Variants in CD177 observed in about 807,000 individuals in gnomAD.
CD177 encodes the protein CD177 molecule, also known as CD177 antigen.
A neutral mutation model predicts 38.1 loss-of-function variants in CD177; 41 were observed. The observed-to-expected ratio is 1.07, with a 90% CI of 0.84 to 1.39. The LOEUF is 1.39. CD177 is among the 40% of genes most tolerant of loss of function. The probability of loss-of-function intolerance (pLI) is 0.00; values close to 1 mark genes in which losing one functional copy is unlikely to be tolerated. For synonymous variants in CD177, 236 were observed against 216.7 expected (o/e 1.09, Z -0.78); for missense variants, 619 against 523.8 (o/e 1.18, Z -1.77).
Position 43,354,077 on chromosome 19 carries a change from C to CGG in CD177, c.193+88_193+89dup, listed in dbSNP as rs1262856889. 53 of 1,572,608 alleles carry CGG rather than the reference C, an allele frequency of 3.4e-5. 1 individual carries two copies. The highest frequency in any genetic ancestry group is 4.2e-5 in the Non-Finnish European group (49 of 1,158,548). ...TGCAGGGACCCGGGAGCCACCCCTC[C>CGG]GGGGGATCGACTCCTAGGGTCCCGG... On this transcript the variant is annotated intron_variant, in intron 2 of 8. Coordinates refer to ENST00000618265, the MANE Select transcript of CD177 (RefSeq NM_020406.4).
In CD177 at chr19:43,361,485, G is replaced by A. The variant is rs1480727434; in HGVS notation, c.987G>A (p.Val329=). Residue 329 remains valine, a synonymous_variant, in exon 8 of 9, where the codon GTG becomes GTA. Transcript: ENST00000618265. ...VPGDRQCPTC[V]QPLGTCSSGS... is the part of the protein sequence containing the mutation. ...GAGACCGGCAGTGTCCTACCTGTGT[G>A]CAGCCCCTTGGAACCTGTTCAAGTG... 4.4e-6 allele frequency: 7 copies of A among 1,588,980 alleles called. No homozygotes were observed. The highest frequency in any genetic ancestry group is 6.0e-6 in the Non-Finnish European group (7 of 1,160,468).
chr19:43,362,365 T>C lies in CD177; in HGVS notation c.*45T>C. The C allele has an allele frequency of 1.2e-6, 1 of 839,544 alleles. No homozygotes were observed. The allele number at this position is 839,544 out of a possible 1,614,324, so 52.0% of individuals were successfully genotyped here. ...CTTCACCGCTGCTGACCACCCACAC[T>C]CAACCTCCCTCTGACCTCATAACCT... On this transcript the variant is annotated 3_prime_UTR_variant, in exon 9 of 9. Transcript: ENST00000618265.
At chr19:43,353,816 G>A (rs2122237105) in intron 1 of CD177, 37 bp from the exon 2 acceptor site, 1 of 1,613,724 alleles carries the variant, frequency 6.2e-7, no homozygotes, top group Non-Finnish European at 8.5e-7. Flanking sequence ...CCGGGCAAGG[G>A]AACCCTGCTG....
rs765515656 is a variant in CD177 at position 43,360,312 on chromosome 19, T to C, written c.667T>C (p.Leu223=). ...GACCACCATTATGACACACGGAAAC[T>C]TGGCTCAAGAACCCACTGATTGGAC... The part of the protein sequence containing the change: ...RGTTIMTHGN[L]AQEPTDWTTS... Residue 223 remains leucine, a synonymous_variant, in exon 6 of 9, where the codon TTG becomes CTG. Transcript: ENST00000618265. The C allele has an allele frequency of 6.2e-7, 1 of 1,613,158 alleles. No individual in the cohort carries two copies. Among genetic ancestry groups the C allele is most frequent in the South Asian group, 1.1e-5 (1 of 90,738 alleles).
chr19:43,362,303 G>A lies in CD177; in HGVS notation c.1297G>A (p.Val433Ile). ...ALAPALWWGVVCPSC is the reference protein window; with the variant it reads ...ALAPALWWGVICPSC ...GGCCCCAGCGCTGTGGTGGGGAGTG[G>A]TTTGCCCTTCCTGCTAACTCTATTA... Residue 433 changes from valine to isoleucine, a missense_variant, in exon 9 of 9, where the codon GTT becomes ATT. Physicochemically the swap from Val to Ile is conservative, Grantham distance 29 (BLOSUM62 3). Coordinates refer to ENST00000618265, the MANE Select transcript of CD177 (RefSeq NM_020406.4). 6.5e-7 allele frequency: 1 copy of A among 1,542,596 alleles called. No homozygotes were observed. Among genetic ancestry groups the A allele is most frequent in the East Asian group, 2.3e-5 (1 of 44,228 alleles).
In CD177 at chr19:43,362,319, A is replaced by G. The variant is rs1330445056; in HGVS notation, c.1313A>G (p.Ter438=). The change falls in exon 9 of 9, where the codon TAA becomes TGA. Residue 438 remains the stop codon, a stop_retained_variant. Coordinates refer to ENST00000618265, the MANE Select transcript of CD177 (RefSeq NM_020406.4). ...TGGGGAGTGGTTTGCCCTTCCTGCT[A>G]ACTCTATTACCCCCACGATTCTTCA... ...LWWGVVCPSC[*] 30 of 1,434,530 alleles carry G rather than the reference A, an allele frequency of 2.1e-5. No homozygotes were observed. Among genetic ancestry groups the G allele is most frequent in the Non-Finnish European group, 2.9e-5 (30 of 1,031,288 alleles). The allele number at this position is 1,434,530 out of a possible 1,614,324, so 88.9% of individuals were successfully genotyped here.
In CD177 at chr19:43,354,332, G is replaced by A; in HGVS notation, c.319G>A (p.Glu107Lys). ...LISYTFVCRQ[E>K]DFCNNLVNSL... The stretch of plus-strand genomic sequence containing the variant: ...CTCCTACACCTTCGTGTGCCGCCAG[G>A]AGGACTTCTGCAACAACCTCGTTAA... The change falls in exon 3 of 9, where the codon GAG becomes AAG. Residue 107 changes from glutamate (E) to lysine (K), a missense_variant. By Grantham distance (56) the Glu-to-Lys change is moderately conservative. Transcript: ENST00000618265. 6.2e-7 allele frequency: 1 copy of A among 1,613,954 alleles called. No homozygotes were observed. The highest frequency in any genetic ancestry group is 8.5e-7 in the Non-Finnish European group (1 of 1,179,882).
downstream of CD177, among the ~76,000 whole-genome samples, chr19:43,363,755 T>G (rs1191825142): frequency 3.3e-5 from 5 of 152,038 alleles, no homozygotes; most frequent in East Asian, 9.6e-4. Flanking sequence ...TTCACTCCCT[T>G]GCCCCTCGGC....
In CD177 at chr19:43,354,410, G is replaced by C; in HGVS notation, c.379+18G>C. Reference sequence around the variant, plus strand: ...CCCAGCAGGTGCCTGCGGGAGGGTCGGGAGGAGAGGGAGGGGCTGCTAGAA... The same window carrying C: ...CCCAGCAGGTGCCTGCGGGAGGGTCCGGAGGAGAGGGAGGGGCTGCTAGAA... On this transcript the variant is annotated intron_variant, in intron 3 of 8. Transcript: ENST00000618265. The C allele has an allele frequency of 2.5e-6, 4 of 1,612,578 alleles. No individual in the cohort carries two copies. Among genetic ancestry groups the C allele is most frequent in the African/African-American group, 1.3e-5 (1 of 74,922 alleles).
In CD177 at chr19:43,360,266, T is replaced by G. The variant is rs752659702; in HGVS notation, c.621T>G (p.Asp207Glu). ...ACACCCTGGGATTCCTCTCCCCAGA[T>G]TTTCTGACCTGTCATCGGGGGACCA... ...VGMTENCDMK[D>E]FLTCHRGTTI... Residue 207 changes from aspartate (D) to glutamate (E), a missense_variant and splice_region_variant, in exon 6 of 9, where the codon GAT becomes GAG. Physicochemically the swap from Asp to Glu is conservative, Grantham distance 45. Coordinates refer to ENST00000618265, the MANE Select transcript of CD177 (RefSeq NM_020406.4). 6.2e-7 allele frequency: 1 copy of G among 1,612,914 alleles called. No individual in the cohort carries two copies. The highest frequency in any genetic ancestry group is 1.7e-5 in the Admixed American group (1 of 59,916).
In CD177 at chr19:43,354,316, C is replaced by G. The variant is rs770461969; in HGVS notation, c.303C>G (p.Thr101=). 20 of 1,613,968 alleles carry G rather than the reference C, an allele frequency of 1.2e-5. No homozygotes were observed. In the East Asian group the frequency reaches 4.5e-4, roughly 36 times the overall value. ...MGPGLSLISY[T]FVCRQEDFCN... is the part of the protein sequence containing the mutation. ...CCGGCCTCTCCCTGATCTCCTACAC[C>G]TTCGTGTGCCGCCAGGAGGACTTCT... The change falls in exon 3 of 9, where the codon ACC becomes ACG. Residue 101 remains threonine (T), a synonymous_variant. Transcript: ENST00000618265.
In CD177 at chr19:43,360,287, G is replaced by T. The variant is rs772455835; in HGVS notation, c.642G>T (p.Gly214=). 8.7e-6 allele frequency: 14 copies of T among 1,613,110 alleles called. No homozygotes were observed. The highest frequency in any genetic ancestry group is 1.3e-5 in the African/African-American group (1 of 74,844). ...DMKDFLTCHR[G]TTIMTHGNLA... is the part of the protein sequence containing the mutation. Reference sequence around the variant, plus strand: ...CAGATTTTCTGACCTGTCATCGGGGGACCACCATTATGACACACGGAAACT... The same window carrying T: ...CAGATTTTCTGACCTGTCATCGGGGTACCACCATTATGACACACGGAAACT... The change falls in exon 6 of 9, where the codon GGG becomes GGT. Residue 214 remains glycine, a synonymous_variant. Transcript: ENST00000618265.
rs1394481101 is a variant in CD177, at chr19:43,362,544, G to C, written c.*224G>C. On this transcript the variant is annotated 3_prime_UTR_variant, in exon 9 of 9. Coordinates refer to ENST00000618265, the MANE Select transcript of CD177 (RefSeq NM_020406.4). Reference sequence around the variant, plus strand: ...GAGAGGGGACGCTGGAGGAGTGGCTGCATGTATCTGATAATACAGACCCTG... The same window carrying C: ...GAGAGGGGACGCTGGAGGAGTGGCTCCATGTATCTGATAATACAGACCCTG... 5.3e-5 allele frequency: 24 copies of C among 452,394 alleles called. No homozygotes were observed. The highest frequency in any genetic ancestry group is 9.0e-5 in the Non-Finnish European group (23 of 254,956). The allele number at this position is 452,394 out of a possible 1,614,324, so 28.0% of individuals were successfully genotyped here.
chr19:43,361,656 G>C, intron 8 of CD177, 77 bp downstream of exon 8: 1 of 1,465,882 alleles, frequency 6.8e-7, no homozygotes, highest in Non-Finnish European at 9.3e-7. Flanking sequence ...GGAGGGGCTG[G>C]GGGCCTGGAC....
chr19:43,360,360 G>C lies in CD177; in HGVS notation c.715G>C (p.Glu239Gln), dbSNP rs186991229. 6 of 1,610,278 alleles carry C rather than the reference G, an allele frequency of 3.7e-6. No individual in the cohort carries two copies. In the African/African-American group the frequency reaches 6.7e-5, roughly 18 times the overall value. Residue 239 changes from glutamate to glutamine, a missense_variant, in exon 6 of 9, where the codon GAG becomes CAG. Physicochemically the swap from Glu to Gln is conservative, Grantham distance 29. Transcript: ENST00000618265. ...GACCACATCGAATACCGAGATGTGCGAGGTGGGGCAGGTGTGTCAGGAGAC... is the reference window on the plus strand; with the variant it reads ...GACCACATCGAATACCGAGATGTGCCAGGTGGGGCAGGTGTGTCAGGAGAC... ...DWTTSNTEMCEVGQVCQETLL... is the reference protein window; with the variant it reads ...DWTTSNTEMCQVGQVCQETLL...
chr19:43,354,023 G>A (rs1170728774), intron 2 of CD177, 30 bp downstream of exon 2: 2 of 1,605,084 alleles, frequency 1.2e-6, no homozygotes, highest in East Asian at 2.2e-5. Flanking sequence ...CAGAGACCCC[G>A]CCCTGTCCCC....
rs750694037 is a variant in CD177, at chr19:43,354,286, G to A, written c.273G>A (p.Met91Ile). 1 of 1,613,794 alleles carries A rather than the reference G, an allele frequency of 6.2e-7. No individual in the cohort carries two copies. Among genetic ancestry groups the A allele is most frequent in the African/African-American group, 1.3e-5 (1 of 74,874 alleles). The change falls in exon 3 of 9, where the codon ATG (methionine) becomes ATA (isoleucine). Residue 91 changes from methionine (M) to isoleucine (I), a missense_variant. Physicochemically the swap from Met to Ile is conservative, Grantham distance 10 (BLOSUM62 1). Coordinates refer to ENST00000618265, the MANE Select transcript of CD177 (RefSeq NM_020406.4). ...AGCCCCGCGTCACTGAGCACCGGAT[G>A]GGCCCCGGCCTCTCCCTGATCTCCT... is the stretch of plus-strand genomic sequence containing the variant. ...DQEPRVTEHR[M>I]GPGLSLISYT...
At chr19:43,354,126 C>A (rs975283783) in intron 2 of CD177, 81 bp from the exon 3 acceptor site, 3 of 1,565,594 alleles carry the variant, frequency 1.9e-6, no homozygotes, top group African/African-American at 2.7e-5. Flanking sequence ...AGCCTCTCAG[C>A]CTACGCCGTG....
Position 43,360,290 on chromosome 19 carries a change from C to G in CD177, c.645C>G (p.Thr215=), listed in dbSNP as rs376967860. The change falls in exon 6 of 9, where the codon ACC becomes ACG. Residue 215 remains threonine, a synonymous_variant. Coordinates refer to ENST00000618265, the MANE Select transcript of CD177 (RefSeq NM_020406.4). ...ATTTTCTGACCTGTCATCGGGGGAC[C>G]ACCATTATGACACACGGAAACTTGG... The part of the protein sequence containing the change: ...MKDFLTCHRG[T]TIMTHGNLAQ... 2 of 1,613,282 alleles carry G rather than the reference C, an allele frequency of 1.2e-6. 1 individual carries two copies. Among genetic ancestry groups the G allele is most frequent in the Non-Finnish European group, 1.7e-6 (2 of 1,179,656 alleles).
Sources: allele counts gnomAD v4.1 joint callset (sites outside exome capture counted in the v4.1 genomes callset), GRCh38; gene constraint gnomAD v4.1.1; transcripts MANE v1.5; gene names NCBI Gene and HGNC (gene_info 2026-07-23, HGNC 2026-07-21).